ASAH1: variants seen among roughly 807,000 people sequenced by gnomAD.
The protein encoded by ASAH1 is N-acylsphingosine amidohydrolase 1.
A neutral mutation model predicts 59.5 loss-of-function variants in ASAH1; 70 were observed. The observed-to-expected ratio is 1.18, with a 90% confidence interval of 0.97 to 1.43. The LOEUF (loss-of-function observed/expected upper bound fraction) is 1.43, where lower values mean the gene tolerates loss of function less well. Ranked by LOEUF, ASAH1 falls within the 40% of genes most tolerant of loss-of-function variation. ASAH1 has a pLI of 0.00. For missense variants in ASAH1, 660 were observed against 482.5 expected, an observed-to-expected ratio of 1.37 and a Z score of -3.45; for synonymous variants, 213 against 166.5, an observed-to-expected ratio of 1.28 and a Z score of -2.15.
Position 18,059,452 on chromosome 8 carries a change from C to G in ASAH1, c.930G>C (p.Lys310Asn). The change falls in exon 12 of 14, where the codon AAG becomes AAC. Residue 310 changes from lysine to asparagine, a missense_variant. Lys to Asn is a moderately conservative substitution (Grantham distance 94). Transcript: ENST00000637790. ...ESLDVYELDA[K>N]QGRWYVVQTN... ...TTTGTACCACATACCATCTACCCTG[C>G]TTAGCATCGAGTCTAGATACAAAAG... is the stretch of plus-strand genomic sequence containing the variant. 6.2e-7 allele frequency: 1 copy of G among 1,614,208 alleles called. No individual in the cohort carries two copies. The highest frequency in any genetic ancestry group is 2.2e-5 in the East Asian group (1 of 44,884).
chr8:18,071,511 C>G (rs1800177529), intron 2 of ASAH1, 121 bp from the exon 3 acceptor site: 1 of 670,650 alleles, frequency 1.5e-6, no homozygotes, highest in Non-Finnish European at 2.6e-6. Context: ...TTTGGTTACC[C>G]AAACCAAAAT....
intron 13 of ASAH1, chr8:18,058,572 A>T: frequency 4.2e-6 from 2 of 478,400 alleles, no homozygotes; most frequent in Non-Finnish European, 7.5e-6. Flanking sequence ...AGATACCAAT[A>T]AGAGTAAAAT....
intron 1 of ASAH1, chr8:18,075,811 T>C: frequency 1.8e-6 from 1 of 570,450 alleles, no homozygotes; most frequent in South Asian, 2.1e-5. Context: ...AAGTGCTAGG[T>C]GTTATAATTT....
intron 1 of ASAH1, among the ~76,000 whole-genome samples, chr8:18,081,239 G>A (rs1401119891): frequency 5.9e-5 from 9 of 152,046 alleles, no homozygotes; most frequent in African/African-American, 9.7e-5. Flanking sequence ...CTCACCCAAC[G>A]ATTCCTTCAG....
chr8:18,071,569 C>A (rs1800179533), intron 2 of ASAH1, among the ~76,000 whole-genome samples, 179 bp from the exon 3 acceptor site: 1 of 151,792 alleles, frequency 6.6e-6, no homozygotes, highest in Non-Finnish European at 1.5e-5. Context: ...GTTGAGAACA[C>A]AATCATAAGC....
Position 18,059,427 on chromosome 8 carries a change from T to C in ASAH1, c.955A>G (p.Thr319Ala), listed in dbSNP as rs764327759. The C allele has an allele frequency of 1.2e-6, 2 of 1,614,100 alleles. No homozygotes were observed. The highest frequency in any genetic ancestry group is 1.3e-5 in the African/African-American group (1 of 74,946). ...AKQGRWYVVQ[T>A]NYDRWKHPFF... ...GGATGTTTCCAACGGTCATAATTTG[T>C]TTGTACCACATACCATCTACCCTGC... Residue 319 changes from threonine (T) to alanine (A), a missense_variant, in exon 12 of 14, where the codon ACA becomes GCA. Thr to Ala is a moderately conservative substitution (Grantham distance 58, BLOSUM62 0). Transcript: ENST00000637790.
chr8:18,071,609 T>C (rs985282171), intron 2 of ASAH1, among the ~76,000 whole-genome samples: 1 of 152,102 alleles, frequency 6.6e-6, no homozygotes, highest in Non-Finnish European at 1.5e-5. Context: ...TAGAATGATC[T>C]AGTAGGGAAG....
chr8:18,062,256 T>G (rs1344419690), intron 8 of ASAH1, 23 bp downstream of exon 8: 5 of 1,614,122 alleles, frequency 3.1e-6, no homozygotes, highest in Middle Eastern at 1.6e-4. Flanking sequence ...ACCTGTATAA[T>G]TATGTAACAA....
At chr8:18,070,435 AC>A (rs1311412874) in intron 3 of ASAH1, among the ~76,000 whole-genome samples, 1 of 151,798 alleles carries the variant, frequency 6.6e-6, no homozygotes, top group Non-Finnish European at 1.5e-5. Context: ...GGCATGAGCC[AC>A]CGCGCCTGGC....
intron 11 of ASAH1, 39 bp downstream of exon 11, chr8:18,059,532 CT>C: frequency 6.2e-7 from 1 of 1,614,128 alleles, no homozygotes; most frequent in Non-Finnish European, 8.5e-7. Context: ...TCAGTGTATG[CT>C]TTTGTTTCTA....
intron 5 of ASAH1, 71 bp downstream of exon 5, chr8:18,067,149 A>ACAGCACCTGTGT: frequency 7.3e-7 from 1 of 1,376,970 alleles, no homozygotes; most frequent in Non-Finnish European, 1.0e-6. Flanking sequence ...CTGTATGTAT[A>ACAGCACCTGTGT]TCACACCTCA....
upstream of ASAH1, chr8:18,084,349 C>T: frequency 7.1e-7 from 1 of 1,413,826 alleles, no homozygotes; most frequent in Middle Eastern, 2.6e-4. Context: ...TCCCCCACCG[C>T]GGGCAATAGT....
intron 6 of ASAH1, chr8:18,063,469 A>AATT: frequency 2.8e-6 from 1 of 354,070 alleles, no homozygotes; most frequent in African/African-American, 2.6e-5. Flanking sequence ...GCACCTGGCT[A>AATT]CTTTTTTTTT....
chr8:18,084,615 G>A, upstream of ASAH1: 1 of 1,606,878 alleles, frequency 6.2e-7, no homozygotes, highest in South Asian at 1.1e-5. Context: ...GAGCAGTTGA[G>A]TGGCCGAGGA....
intron 6 of ASAH1, chr8:18,064,127 A>T: frequency 2.0e-6 from 1 of 492,718 alleles, no homozygotes; most frequent in Non-Finnish European, 3.6e-6. Context: ...ACATACACGA[A>T]GATAAGGAAG....
Position 18,074,457 on chromosome 8 carries a change from C to A in ASAH1, c.125+1084G>T, listed in dbSNP as rs117096950. Among the ~76,000 whole-genome samples the A allele has an allele frequency of 2.1e-3, 316 of 152,302 alleles. 1 individual carries two copies. The highest frequency in any genetic ancestry group is 3.7e-3 in the Non-Finnish European group (253 of 68,028). Reference sequence around the variant, plus strand: ...TATTTAAAATACATCGTTTAGACAACAACAGTACAACGTAAGTAATTTGGA... The same window carrying A: ...TATTTAAAATACATCGTTTAGACAAAAACAGTACAACGTAAGTAATTTGGA... On this transcript the variant is annotated intron_variant, in intron 2 of 13. Coordinates refer to ENST00000637790, the MANE Select transcript of ASAH1 (RefSeq NM_177924.5).
At chr8:18,071,114 G>A (rs1429553361) in intron 3 of ASAH1, among the ~76,000 whole-genome samples, 186 bp downstream of exon 3, 2 of 151,934 alleles carry the variant, frequency 1.3e-5, no homozygotes. Context: ...AGCTGAGGCA[G>A]GGAAATTGCT....
At position 18,059,349 on chromosome 8, in the gene ASAH1, T is replaced by C. The variant is rs762741904; in HGVS notation, c.1033A>G (p.Ser345Gly). Residue 345 changes from serine to glycine, a missense_variant, in exon 12 of 14, where the codon AGC (serine) becomes GGC (glycine). Coordinates refer to ENST00000637790, the MANE Select transcript of ASAH1 (RefSeq NM_177924.5). ...TGACCCTGCAAAGGTACCTCTTGGCTGGTGCGGTTCAGACACATCTTTGCA... is the reference window on the plus strand; with the variant it reads ...TGACCCTGCAAAGGTACCTCTTGGCCGGTGCGGTTCAGACACATCTTTGCA... ...TPAKMCLNRT[S>G]QENISFETMY... The C allele has an allele frequency of 5.6e-6, 9 of 1,614,120 alleles. No individual in the cohort carries two copies. The African/African-American group carries it at 9.3e-5, about 17-fold the overall frequency.
chr8:18,062,470 A>G, intron 7 of ASAH1, 47 bp from the exon 8 acceptor site: 1 of 1,605,062 alleles, frequency 6.2e-7, no homozygotes, highest in Non-Finnish European at 8.5e-7. Flanking sequence ...CAGTGATAGT[A>G]ATGATCAACA....
Sources: gnomAD v4.1 joint callset for allele counts (sites outside exome capture counted in the v4.1 genomes callset) on GRCh38, gnomAD v4.1.1 for gene constraint, MANE v1.5 for transcripts, NCBI Gene and HGNC (gene_info 2026-07-23, HGNC 2026-07-21) for gene names.